The following FBXW7 variants were observed in gnomAD, a reference collection of about 807,000 sequenced individuals.
The protein encoded by FBXW7 is F-box/WD repeat-containing protein 7.
FBXW7 carries 11 observed loss-of-function variants against 86.3 expected under a neutral mutation model. The observed-to-expected ratio is 0.13, with a 90% CI of 0.08 to 0.21. FBXW7 has a LOEUF of 0.21. FBXW7 is among the 10% of genes least tolerant of loss of function. FBXW7 has a pLI of 1.00. For missense variants in FBXW7, 488 were observed against 847.4 expected (o/e 0.58, Z 5.27); for synonymous variants, 313 against 297.9 (o/e 1.05, Z -0.52).
intron 7 of FBXW7, among the ~76,000 whole-genome samples, chr4:152,335,286 C>A (rs1038668918): frequency 1.3e-5 from 2 of 151,216 alleles, no homozygotes; most frequent in Non-Finnish European, 3.0e-5. Flanking sequence ...AAGGGACATC[C>A]CCCCCTACCA....
chr4:152,382,398 T>A (rs1735168557), intron 4 of FBXW7: 1 of 1,352,484 alleles, frequency 7.4e-7, no homozygotes, highest in East Asian at 2.7e-5. Context: ...TACTAAAAGC[T>A]CTAACCACTA....
intron 4 of FBXW7, among the ~76,000 whole-genome samples, chr4:152,355,045 C>CT (rs1321155662): frequency 6.6e-6 from 1 of 152,048 alleles, no homozygotes; most frequent in Non-Finnish European, 1.5e-5. Flanking sequence ...TGTGAAGAAT[C>CT]TGTCAAGCAA....
intron 2 of FBXW7, among the ~76,000 whole-genome samples, chr4:152,513,455 G>A (rs193093896): frequency 8.8e-4 from 134 of 152,190 alleles, no homozygotes; most frequent in African/African-American, 2.9e-3. Flanking sequence ...GATACAGCCC[G>A]AGAAAAAGAA....
In FBXW7 at chr4:152,535,934, A is replaced by AGGTCTCGGCGGC. The variant is rs1214663675; in HGVS notation, c.-1032_-1021dup. ...CTCCCGCTGGCCCAGGTGAGAGCGA[A>AGGTCTCGGCGGC]GGTCTCGGCGGCGGCCAGTGCAGGG... On this transcript the variant is annotated 5_prime_UTR_variant, in exon 1 of 14. Transcript: ENST00000281708. 1.6e-5 allele frequency: 5 copies of AGGTCTCGGCGGC among 316,278 alleles called. No homozygotes were observed. The highest frequency in any genetic ancestry group is 1.1e-4 in the African/African-American group (5 of 46,290). The allele number at this position is 316,278 out of a possible 1,614,324, so 19.6% of individuals were successfully genotyped here. A position where few individuals can be genotyped will look rare whatever the true frequency, so the allele number is the denominator to read the frequency against.
chr4:152,453,574 A>T (rs1283285362), intron 2 of FBXW7, among the ~76,000 whole-genome samples: 1 of 152,102 alleles, frequency 6.6e-6, no homozygotes, highest in Non-Finnish European at 1.5e-5. Context: ...CAGAAAAAAC[A>T]AGAGAAATAT....
chr4:152,484,810 A>C (rs1474057259), intron 2 of FBXW7, among the ~76,000 whole-genome samples: 1 of 152,110 alleles, frequency 6.6e-6, no homozygotes, highest in Non-Finnish European at 1.5e-5. Context: ...AAAAATACAA[A>C]AATTAACCAG....
At chr4:152,364,947 T>C (rs1205444712) in intron 4 of FBXW7, among the ~76,000 whole-genome samples, 1 of 152,214 alleles carries the variant, frequency 6.6e-6, no homozygotes, top group Non-Finnish European at 1.5e-5. Context: ...GTTACTTAGT[T>C]GCCTAACATA....
chr4:152,344,189 G>A (rs1175242935), intron 6 of FBXW7, among the ~76,000 whole-genome samples: 2 of 152,080 alleles, frequency 1.3e-5, no homozygotes, highest in East Asian at 1.9e-4. Context: ...CTACAAGTTA[G>A]ACATTAAAGC....
intron 2 of FBXW7, among the ~76,000 whole-genome samples, chr4:152,493,445 G>A (rs185745210): frequency 1.3e-5 from 2 of 152,294 alleles, no homozygotes; most frequent in Non-Finnish European, 2.9e-5. Flanking sequence ...GATTACAGGT[G>A]TAAGCCAATG....
rs139924973 is a variant in FBXW7 at position 152,443,237 on chromosome 4, G to A, written c.-119-30708C>T. Among the ~76,000 whole-genome samples, 515 of 152,158 alleles carry A rather than the reference G, an allele frequency of 3.4e-3. 1 individual carries two copies. Among genetic ancestry groups the A allele is most frequent in the South Asian group, 7.5e-3 (36 of 4,808 alleles). ...AAATCGCACCATTGCACTCCAGCCT[G>A]GGCAACAAGAGTGAAACTCCTTCTC... On this transcript the variant is annotated intron_variant, in intron 2 of 13. Coordinates refer to ENST00000281708, the MANE Select transcript of FBXW7 (RefSeq NM_001349798.2).
intron 4 of FBXW7, among the ~76,000 whole-genome samples, chr4:152,392,949 T>C (rs761935275): frequency 2.0e-5 from 3 of 152,212 alleles, no homozygotes; most frequent in Non-Finnish European, 4.4e-5. Flanking sequence ...TCATTTGATG[T>C]TATGACCAAG....
intron 2 of FBXW7, among the ~76,000 whole-genome samples, chr4:152,520,296 G>A (rs1330926186): frequency 2.0e-5 from 3 of 151,720 alleles, no homozygotes; most frequent in South Asian, 4.2e-4. Flanking sequence ...AGCCGGGCGC[G>A]GTGGCGGGCG....
chr4:152,428,846 A>G (rs1739616347), intron 2 of FBXW7, among the ~76,000 whole-genome samples: 1 of 152,206 alleles, frequency 6.6e-6, no homozygotes, highest in Admixed American at 6.5e-5. Context: ...TCAGATCGTC[A>G]AAATATTTAT....
chr4:152,346,562 A>G (rs1731285297), intron 6 of FBXW7, among the ~76,000 whole-genome samples: 1 of 152,196 alleles, frequency 6.6e-6, no homozygotes, highest in African/African-American at 2.4e-5. Context: ...TTTCAAGTAT[A>G]TACTTCAGTG....
chr4:152,429,424 T>C (rs904433884), intron 2 of FBXW7, among the ~76,000 whole-genome samples: 7 of 151,998 alleles, frequency 4.6e-5, no homozygotes, highest in Admixed American at 6.6e-5. Flanking sequence ...ACCCTGATGA[T>C]TGAAGGAAAA....
intron 4 of FBXW7, among the ~76,000 whole-genome samples, chr4:152,400,133 C>G (rs1462481749): frequency 1.3e-5 from 2 of 152,056 alleles, no homozygotes; most frequent in Non-Finnish European, 2.9e-5. Context: ...ATAGAGAGAC[C>G]AGAATATGGT....
At chr4:152,435,980 T>C (rs1337317617) in intron 2 of FBXW7, among the ~76,000 whole-genome samples, 1 of 152,190 alleles carries the variant, frequency 6.6e-6, no homozygotes, top group Non-Finnish European at 1.5e-5. Context: ...GCAAAAATGT[T>C]GTGTATTCTG....
intron 2 of FBXW7, among the ~76,000 whole-genome samples, chr4:152,415,629 C>T (rs1231358344): frequency 6.6e-6 from 1 of 152,076 alleles, no homozygotes; most frequent in African/African-American, 2.4e-5. Context: ...CTGCTCAACA[C>T]CCACTAAGAG....
intron 2 of FBXW7, among the ~76,000 whole-genome samples, chr4:152,423,388 T>C (rs895030793): frequency 6.6e-6 from 1 of 152,228 alleles, no homozygotes; most frequent in African/African-American, 2.4e-5. Flanking sequence ...TTAGATAATA[T>C]TTGACAGTAA....
Sources: allele counts gnomAD v4.1 joint callset (sites outside exome capture counted in the v4.1 genomes callset), GRCh38; gene constraint gnomAD v4.1.1; transcripts MANE v1.5; gene names NCBI Gene and HGNC (gene_info 2026-07-23, HGNC 2026-07-21).